The following CHODL variants were observed in gnomAD, a reference collection of about 807,000 sequenced individuals.
The protein encoded by CHODL is chondrolectin, also known as transmembrane protein MT75.
In CHODL, 29 loss-of-function variants were observed where a neutral mutation model predicts 34.5. The ratio of observed to expected loss-of-function variants is 0.84; its 90% CI spans 0.63 to 1.15. The LOEUF is 1.15. Ranked by LOEUF, CHODL falls within the 50% of genes most tolerant of loss-of-function variation. The pLI is 0.00. For synonymous variants in CHODL, 125 were observed against 116.1 expected, an observed-to-expected ratio of 1.08 and a Z score of -0.49; for missense variants, 332 against 332.5, an observed-to-expected ratio of 1.00 and a Z score of 0.01.
intron 2 of CHODL, among the ~76,000 whole-genome samples, chr21:18,103,311 C>T (rs1458004509): frequency 2.0e-5 from 3 of 152,160 alleles, no homozygotes; most frequent in South Asian, 2.1e-4. Context: ...ACATCCTAGT[C>T]TCTCAGTAGA....
At chr21:17,961,775 GT>G (rs1187410495) in intron 1 of CHODL, among the ~76,000 whole-genome samples, 5 of 152,228 alleles carry the variant, frequency 3.3e-5, no homozygotes, top group Non-Finnish European at 7.4e-5. Flanking sequence ...CTAATATACG[GT>G]AAAAAAGTGG....
intron 2 of CHODL, among the ~76,000 whole-genome samples, chr21:18,153,043 T>C (rs1174540383): frequency 6.6e-6 from 1 of 152,230 alleles, no homozygotes; most frequent in Non-Finnish European, 1.5e-5. Context: ...ATTATCATTA[T>C]GATCAATACA....
At chr21:18,156,174 C>A (rs1012020059) in intron 2 of CHODL, among the ~76,000 whole-genome samples, 2 of 152,080 alleles carry the variant, frequency 1.3e-5, no homozygotes, top group African/African-American at 4.8e-5. Context: ...AGAAATTTTG[C>A]ACGGGTAAAA....
chr21:18,017,239 T>A (rs1441426173), intron 1 of CHODL, among the ~76,000 whole-genome samples: 1 of 152,196 alleles, frequency 6.6e-6, no homozygotes, highest in East Asian at 1.9e-4. Flanking sequence ...GTGTCCCTAC[T>A]CAAATCTCAT....
At position 18,207,633 on chromosome 21, in the gene CHODL, CT is replaced by C. The variant is rs1456811187; in HGVS notation, c.-44-48875del. Reference sequence around the variant, plus strand: ...CTCCCTTCAGTATTGTAGGACAGGTCTGGTGGTGGTGATGAAATCTCTCAGC... The same window carrying C: ...CTCCCTTCAGTATTGTAGGACAGGTCGGTGGTGGTGATGAAATCTCTCAGC... On this transcript the variant is annotated intron_variant, in intron 2 of 6. Coordinates refer to the CHODL transcript ENST00000400127. Among the ~76,000 whole-genome samples the C allele has an allele frequency of 1.8e-4, 22 of 124,528 alleles. No homozygotes were observed. The Admixed American group carries it at 1.9e-3, about 11-fold the overall frequency. 81.7% of individuals were successfully genotyped at this position (124,528 alleles called of 152,430 possible).
chr21:17,939,585 T>C (rs2824564), intron 1 of CHODL, among the ~76,000 whole-genome samples: 52,166 of 152,088 alleles, frequency 0.34, 9,370 homozygotes, highest in South Asian at 0.49. Flanking sequence ...TCCTTATTCA[T>C]AAAAGTCTGA....
intron 2 of CHODL, among the ~76,000 whole-genome samples, chr21:18,028,669 A>G (rs560941570): frequency 7.5e-5 from 11 of 146,622 alleles, no homozygotes; most frequent in Middle Eastern, 3.6e-3. Flanking sequence ...ACTGCACTCC[A>G]GCCTGGGCAA....
chr21:18,211,779 C>T (rs1452813430), intron 2 of CHODL, among the ~76,000 whole-genome samples: 1 of 152,158 alleles, frequency 6.6e-6, no homozygotes, highest in African/African-American at 2.4e-5. Flanking sequence ...ACAGAACCGA[C>T]CTGGAACTTT....
chr21:18,167,201 T>TTC (rs72086452), intron 2 of CHODL, among the ~76,000 whole-genome samples: 1,961 of 135,840 alleles, frequency 0.014, 58 homozygotes, highest in African/African-American at 0.047. Flanking sequence ...CCATTCCCAT[T>TTC]TCTCTCTCTC....
rs112071815 is a variant in CHODL at position 18,187,200 on chromosome 21, A to C, written c.-44-69309A>C. On this transcript the variant is annotated intron_variant, in intron 2 of 6. Transcript: ENST00000400127. ...ATTTCTAGGCTTCATTCAAATCTTCATTTTGAGTTTGCCACTCCTTTGTAT... is the reference window on the plus strand; with the variant it reads ...ATTTCTAGGCTTCATTCAAATCTTCCTTTTGAGTTTGCCACTCCTTTGTAT... 2.8e-3 allele frequency among the ~76,000 whole-genome samples: 428 copies of C among 152,258 alleles called. 2 individuals carry two copies. The highest frequency in any genetic ancestry group is 9.7e-3 in the African/African-American group (402 of 41,562).
intron 2 of CHODL, among the ~76,000 whole-genome samples, chr21:18,157,251 T>G (rs2073045345): frequency 6.6e-6 from 1 of 152,188 alleles, no homozygotes; most frequent in East Asian, 1.9e-4. Context: ...AAACACAATC[T>G]GTCATGATGT....
At chr21:17,967,766 A>T (rs2063584000) in intron 1 of CHODL, among the ~76,000 whole-genome samples, 1 of 152,146 alleles carries the variant, frequency 6.6e-6, no homozygotes. Flanking sequence ...AGTCTCTGAC[A>T]TATTTCTATT....
At chr21:18,013,318 T>G (rs2146415405) in intron 1 of CHODL, among the ~76,000 whole-genome samples, 1 of 107,040 alleles carries the variant, frequency 9.3e-6, no homozygotes, top group African/African-American at 3.4e-5. Context: ...AGGATACAAC[T>G]TTATCTCTAG....
At chr21:18,081,596 G>A (rs1364065952) in intron 2 of CHODL, among the ~76,000 whole-genome samples, 9 of 151,670 alleles carry the variant, frequency 5.9e-5, no homozygotes, top group South Asian at 2.1e-4. Flanking sequence ...CAAGAGAATC[G>A]CTTGAACCCA....
intron 2 of CHODL, among the ~76,000 whole-genome samples, chr21:18,076,626 G>C (rs1440363739): frequency 6.6e-6 from 1 of 152,202 alleles, no homozygotes; most frequent in Non-Finnish European, 1.5e-5. Flanking sequence ...AGAACACAAA[G>C]GATGTGGTCA....
chr21:17,998,760 T>C (rs2063876438), intron 1 of CHODL, among the ~76,000 whole-genome samples: 1 of 152,166 alleles, frequency 6.6e-6, no homozygotes, highest in Admixed American at 6.5e-5. Flanking sequence ...GCACCATGTC[T>C]CTAGGCTGCA....
At chr21:18,114,456 T>C (rs1459073864) in intron 2 of CHODL, among the ~76,000 whole-genome samples, 1 of 152,126 alleles carries the variant, frequency 6.6e-6, no homozygotes, top group African/African-American at 2.4e-5. Context: ...AAAACTTATT[T>C]ATTATTTTTT....
At chr21:17,995,985 C>T (rs911386920) in intron 1 of CHODL, among the ~76,000 whole-genome samples, 1 of 152,186 alleles carries the variant, frequency 6.6e-6, no homozygotes, top group African/African-American at 2.4e-5. Flanking sequence ...TTATCTCACC[C>T]ATGTATCCTG....
At chr21:18,049,891 A>G (rs946062837) in intron 2 of CHODL, among the ~76,000 whole-genome samples, 1 of 152,002 alleles carries the variant, frequency 6.6e-6, no homozygotes, top group Non-Finnish European at 1.5e-5. Flanking sequence ...CATAACACCA[A>G]TGTAATTTGT....
Sources: gnomAD v4.1 joint callset for allele counts (sites outside exome capture counted in the v4.1 genomes callset) on GRCh38, gnomAD v4.1.1 for gene constraint, MANE v1.5 for transcripts, NCBI Gene and HGNC (gene_info 2026-07-23, HGNC 2026-07-21) for gene names.